The following PACRG variants were observed in gnomAD, a reference collection of about 807,000 sequenced individuals.
PACRG encodes parkin coregulated gene protein.
Under a neutral mutation model 29.7 loss-of-function variants are expected in PACRG, and 29 were observed. The observed-to-expected ratio is 0.98, with a 90% CI of 0.73 to 1.33. The LOEUF is 1.33. PACRG is among the 40% of genes most tolerant of loss of function. PACRG has a pLI of 0.00. For synonymous variants in PACRG, 116 were observed against 118.7 expected, an observed-to-expected ratio of 0.98 and a Z score of 0.15; for missense variants, 279 against 316.2, an observed-to-expected ratio of 0.88 and a Z score of 0.89.
intron 2 of PACRG, among the ~76,000 whole-genome samples, chr6:163,035,248 C>T (rs564340217): frequency 6.6e-6 from 1 of 152,324 alleles, no homozygotes; most frequent in African/African-American, 2.4e-5. Flanking sequence ...CACAGTGGCT[C>T]ATGCCCATAA....
At chr6:163,216,482 G>A (rs1781369036) in intron 4 of PACRG, among the ~76,000 whole-genome samples, 1 of 152,190 alleles carries the variant, frequency 6.6e-6, no homozygotes, top group South Asian at 2.1e-4. Flanking sequence ...GGATTTTTAA[G>A]GAAATATTTA....
chr6:163,011,612 A>G (rs1805621085), intron 2 of PACRG, among the ~76,000 whole-genome samples: 1 of 152,186 alleles, frequency 6.6e-6, no homozygotes. Flanking sequence ...CTCCATTTAT[A>G]CAAAATAGTT....
chr6:163,278,633 C>T (rs1304503402), intron 4 of PACRG, among the ~76,000 whole-genome samples: 1 of 152,118 alleles, frequency 6.6e-6, no homozygotes, highest in African/African-American at 2.4e-5. Flanking sequence ...TGTCAAAGAT[C>T]AGTATGCTGT....
chr6:163,300,570 G>T (rs1189440722), intron 4 of PACRG, among the ~76,000 whole-genome samples: 1 of 152,216 alleles, frequency 6.6e-6, no homozygotes, highest in African/African-American at 2.4e-5. Flanking sequence ...TCTCCTCGTG[G>T]CCAGCAACGG....
chr6:163,038,126 G>A (rs1389351802), intron 2 of PACRG, among the ~76,000 whole-genome samples: 1 of 152,190 alleles, frequency 6.6e-6, no homozygotes, highest in Non-Finnish European at 1.5e-5. Flanking sequence ...GAGGTGAGTT[G>A]CCCAAGGTCC....
chr6:162,933,824 C>T (rs1798042227), intron 2 of PACRG, among the ~76,000 whole-genome samples: 1 of 151,958 alleles, frequency 6.6e-6, no homozygotes, highest in African/African-American at 2.4e-5. Flanking sequence ...GGATTTCTGG[C>T]AAGGGCCTCA....
At chr6:163,153,537 A>G (rs1475105449) in intron 4 of PACRG, among the ~76,000 whole-genome samples, 1 of 152,188 alleles carries the variant, frequency 6.6e-6, no homozygotes, top group African/African-American at 2.4e-5. Flanking sequence ...AGTCACGTGA[A>G]TTCTTGGAGT....
intron 2 of PACRG, among the ~76,000 whole-genome samples, chr6:163,053,278 A>G (rs888946498): frequency 6.6e-6 from 1 of 152,206 alleles, no homozygotes; most frequent in Admixed American, 6.5e-5. Context: ...TAGCAGTCAC[A>G]GTGTGACAGA....
intron 4 of PACRG, among the ~76,000 whole-genome samples, chr6:163,247,566 T>G (rs1782741098): frequency 6.6e-6 from 1 of 152,176 alleles, no homozygotes; most frequent in Admixed American, 6.5e-5. Flanking sequence ...ATATTGAGCA[T>G]TCCTTTGACC....
At chr6:162,738,195 A>G (rs528706882) in intron 1 of PACRG, among the ~76,000 whole-genome samples, 13 of 152,338 alleles carry the variant, frequency 8.5e-5, no homozygotes, top group Non-Finnish European at 1.6e-4. Context: ...ATGAATATAT[A>G]TGTATTCGTA....
At chr6:163,084,994 C>A (rs1813428777) in intron 3 of PACRG, among the ~76,000 whole-genome samples, 1 of 151,770 alleles carries the variant, frequency 6.6e-6, no homozygotes, top group African/African-American at 2.4e-5. Flanking sequence ...CGGGCACACA[C>A]TAAAAGAACA....
At position 163,293,503 on chromosome 6, in the gene PACRG, TGCTGACCGTGTA is replaced by T. The variant is rs377227242; in HGVS notation, c.614-21317_614-21306del. ...CACAAGGCAGCTGTCCCAGGCCGAC[TGCTGACCGTGTA>T]GCTGACAGTTACATCATGAACTAAG... On this transcript the variant is annotated intron_variant, in intron 4 of 4. Transcript: ENST00000366888. Among the ~76,000 whole-genome samples the T allele has an allele frequency of 2.4e-3, 360 of 152,374 alleles. 2 individuals carry two copies. The highest frequency in any genetic ancestry group is 8.4e-3 in the African/African-American group (348 of 41,596).
intron 4 of PACRG, among the ~76,000 whole-genome samples, chr6:163,202,360 A>G (rs1414288138): frequency 6.6e-6 from 1 of 151,630 alleles, no homozygotes. Flanking sequence ...ATATATATGT[A>G]TATACTGTTT....
At chr6:163,172,187 G>A (rs1301086515) in intron 4 of PACRG, among the ~76,000 whole-genome samples, 3 of 152,140 alleles carry the variant, frequency 2.0e-5, no homozygotes, top group African/African-American at 7.2e-5. Context: ...CTTAAAACCT[G>A]CAAATTGCTT....
chr6:162,888,798 TA>T (rs1362098940), intron 2 of PACRG, among the ~76,000 whole-genome samples: 1 of 152,156 alleles, frequency 6.6e-6, no homozygotes, highest in African/African-American at 2.4e-5. Flanking sequence ...GCCAGGAATT[TA>T]AAAGGCAGGA....
chr6:163,079,991 G>A (rs546652836), intron 3 of PACRG, among the ~76,000 whole-genome samples: 4 of 138,108 alleles, frequency 2.9e-5, no homozygotes, highest in South Asian at 2.4e-4. Context: ...TCTGCCTCCC[G>A]GGTGCATTCC....
intron 2 of PACRG, among the ~76,000 whole-genome samples, chr6:162,821,887 A>G (rs1020284558): frequency 6.6e-5 from 10 of 152,228 alleles, no homozygotes; most frequent in Non-Finnish European, 2.9e-5. Flanking sequence ...GACAAATGGA[A>G]TCAGATTGGC....
intron 2 of PACRG, among the ~76,000 whole-genome samples, chr6:162,922,028 C>T (rs1797099824): frequency 6.6e-6 from 1 of 151,976 alleles, no homozygotes; most frequent in South Asian, 2.1e-4. Flanking sequence ...CTGGCTCCTG[C>T]CTTAAGTCCC....
At chr6:163,101,476 T>TAGA (rs1216245711) in intron 4 of PACRG, 1 of 882,780 alleles carries the variant, frequency 1.1e-6, no homozygotes, top group East Asian at 1.2e-4. Flanking sequence ...CCAAATGTCT[T>TAGA]AGATGTTGTT....
Sources: gnomAD v4.1 joint callset for allele counts (sites outside exome capture counted in the v4.1 genomes callset) on GRCh38, gnomAD v4.1.1 for gene constraint, MANE v1.5 for transcripts, NCBI Gene and HGNC (gene_info 2026-07-23, HGNC 2026-07-21) for gene names.